Variants in RDH13 observed in about 807,000 individuals in gnomAD.
RDH13 encodes retinol dehydrogenase 13.
In RDH13, 35 loss-of-function variants were observed where a neutral mutation model predicts 28.3. That is an observed-to-expected ratio of 1.24 (90% CI 0.95 to 1.64). The LOEUF (loss-of-function observed/expected upper bound fraction) is 1.64. RDH13 is among the 40% of genes most tolerant of loss of function. The pLI is 0.00. For missense variants in RDH13, 514 were observed against 446.3 expected (o/e 1.15, Z -1.37); for synonymous variants, 229 against 198.5 (o/e 1.15, Z -1.29).
At chr19:55,064,042 G>A (rs1310040907), upstream of RDH13, 3 of 152,172 alleles carry the variant, frequency 2.0e-5, no homozygotes, top group African/African-American at 4.8e-5. Flanking sequence ...CTAGGAGTAA[G>A]TTTTCTTCCT....
At chr19:55,065,810 T>C (rs932277339), upstream of RDH13, among the ~76,000 whole-genome samples, 5 of 152,172 alleles carry the variant, frequency 3.3e-5, no homozygotes, top group Non-Finnish European at 7.4e-5. Context: ...CTCTGCCTCC[T>C]GGGTTCAAGC....
intron 1 of RDH13, 88 bp from the exon 2 acceptor site, chr19:55,059,363 G>A (rs2147063307): frequency 1.2e-6 from 1 of 810,746 alleles, no homozygotes; most frequent in East Asian, 2.7e-5. Flanking sequence ...AACCTTGTCT[G>A]AGCTCACTCA....
At chr19:55,056,912 G>T in intron 2 of RDH13, 104 bp from the exon 3 acceptor site, 1 of 989,660 alleles carries the variant, frequency 1.0e-6, no homozygotes, top group Non-Finnish European at 1.5e-6. Context: ...ATCCACCAAT[G>T]TTCACTGCGG....
chr19:55,047,653 C>T (rs1219207212), intron 5 of RDH13, among the ~76,000 whole-genome samples, 165 bp from the exon 6 acceptor site: 3 of 152,146 alleles, frequency 2.0e-5, no homozygotes, highest in Non-Finnish European at 2.9e-5. Flanking sequence ...TCTTATCTTG[C>T]GGAGCGGCTC....
At position 55,062,995 on chromosome 19, in the gene RDH13, G is replaced by A. The variant is rs868385102; in HGVS notation, c.38C>T (p.Thr13Met). The A allele has an allele frequency of 6.8e-7, 1 of 1,475,004 alleles. No homozygotes were observed. Among genetic ancestry groups the A allele is most frequent in the Non-Finnish European group, 9.0e-7 (1 of 1,115,130 alleles). The allele number at this position is 1,475,004 out of a possible 1,614,324, so 91.4% of individuals were successfully genotyped here. ...GAGCAGCACGGCGGCGCCTGCTACC[G>A]TGCCCAGCGCCGACAGCGGCAGCAG... The part of the protein sequence containing the change: ...RYLLPLSALG[T>M]VAGAAVLLKD... The change falls in exon 1 of 7, where the codon ACG becomes ATG. Residue 13 changes from threonine to methionine, a missense_variant. Thr to Met is a moderately conservative substitution (Grantham distance 81). Coordinates refer to ENST00000415061, the MANE Select transcript of RDH13 (RefSeq NM_001145971.2).
At chr19:55,061,028 C>T (rs1203666775) in intron 1 of RDH13, among the ~76,000 whole-genome samples, 2 of 152,122 alleles carry the variant, frequency 1.3e-5, no homozygotes, top group African/African-American at 4.8e-5. Flanking sequence ...GGGAAGAATC[C>T]ACTTCCAGCT....
At chr19:55,046,974 C>T (rs375403530) in intron 6 of RDH13, 11 of 264,858 alleles carry the variant, frequency 4.2e-5, no homozygotes, top group African/African-American at 1.6e-4. Context: ...AGGAAGGTCT[C>T]GTATAACCCC....
At chr19:55,066,646 T>C (rs894405508), upstream of RDH13, among the ~76,000 whole-genome samples, 2 of 125,948 alleles carry the variant, frequency 1.6e-5, no homozygotes, top group African/African-American at 5.4e-5. Flanking sequence ...TCTCTCTCCC[T>C]CTTTCTCTTT....
At chr19:55,048,173 T>G in intron 5 of RDH13, 156 bp downstream of exon 5, 1 of 1,535,474 alleles carries the variant, frequency 6.5e-7, no homozygotes, top group African/African-American at 1.4e-5. Flanking sequence ...GATGTCTGCT[T>G]CAGGCACCAG....
chr19:55,063,272 T>C (rs1157644514), upstream of RDH13: 2 of 393,128 alleles, frequency 5.1e-6, no homozygotes, highest in Admixed American at 4.5e-5. Flanking sequence ...CTGGGATTGG[T>C]GGTTTCAGGA....
intron 2 of RDH13, among the ~76,000 whole-genome samples, chr19:55,058,293 CAGG>C (rs1210476615): frequency 2.0e-5 from 3 of 151,306 alleles, no homozygotes; most frequent in Non-Finnish European, 4.4e-5. Flanking sequence ...GTGGCTGAGG[CAGG>C]AGAATTGCTT....
intron 3 of RDH13, 48 bp downstream of exon 3, chr19:55,056,605 G>C: frequency 6.3e-7 from 1 of 1,594,438 alleles, no homozygotes; most frequent in Non-Finnish European, 8.6e-7. Context: ...CCTGGCCCTG[G>C]GAGCCGCCTA....
At chr19:55,048,182 AGAAG>A (rs2075300081) in intron 5 of RDH13, 143 bp downstream of exon 5, 1 of 1,536,328 alleles carries the variant, frequency 6.5e-7, no homozygotes, top group South Asian at 1.2e-5. Context: ...TTCAGGCACC[AGAAG>A]CGGGCAGCGT....
At position 55,044,786 on chromosome 19, in the gene RDH13, G is replaced by A. The variant is rs1189; in HGVS notation, c.*288C>T. Reference sequence around the variant, plus strand: ...CTCCTGACGTGGCCTGCAAGTGCACGGAGCCCCTTCCTCCTCGGCCATTCC... The same window carrying A: ...CTCCTGACGTGGCCTGCAAGTGCACAGAGCCCCTTCCTCCTCGGCCATTCC... On this transcript the variant is annotated 3_prime_UTR_variant, in exon 7 of 7. Coordinates refer to ENST00000415061, the MANE Select transcript of RDH13 (RefSeq NM_001145971.2). 0.084 allele frequency: 36,559 copies of A among 436,214 alleles called. 1,844 individuals carry two copies. The highest frequency in any genetic ancestry group is 0.1 in the Non-Finnish European group (25,063 of 247,908). 27.0% of individuals were successfully genotyped at this position (436,214 alleles called of 1,614,324 possible).
intron 3 of RDH13, among the ~76,000 whole-genome samples, chr19:55,054,734 A>ATTT (rs1407859367): frequency 1.3e-5 from 1 of 75,624 alleles, no homozygotes; most frequent in East Asian, 9.3e-4. Flanking sequence ...ATGCCCGGCT[A>ATTT]ATTTTTTTTT....
chr19:55,056,090 G>A (rs1242420806), intron 3 of RDH13, among the ~76,000 whole-genome samples: 1 of 151,594 alleles, frequency 6.6e-6, no homozygotes, highest in Non-Finnish European at 1.5e-5. Context: ...GGAGACGGAG[G>A]TTGCAGTGAG....
At chr19:55,052,593 A>C (rs550225694) in intron 3 of RDH13, among the ~76,000 whole-genome samples, 113 of 150,530 alleles carry the variant, frequency 7.5e-4, no homozygotes, top group Non-Finnish European at 1.5e-3. Context: ...CCCAGGCTCA[A>C]GCAATCCTCC....
downstream of RDH13, chr19:55,041,150 G>GCT (rs2075018311): frequency 6.6e-6 from 1 of 152,146 alleles, no homozygotes; most frequent in Admixed American, 6.6e-5. Flanking sequence ...TAAAACATTT[G>GCT]TTTTTTGTAG....
intron 1 of RDH13, among the ~76,000 whole-genome samples, chr19:55,060,086 G>A (rs1000787703): frequency 2.0e-5 from 3 of 151,930 alleles, no homozygotes; most frequent in African/African-American, 7.3e-5. Flanking sequence ...CTCGTGGGAT[G>A]AGAAAGACCT....
Sources: allele counts gnomAD v4.1 joint callset (sites outside exome capture counted in the v4.1 genomes callset), GRCh38; gene constraint gnomAD v4.1.1; transcripts MANE v1.5; gene names NCBI Gene and HGNC (gene_info 2026-07-23, HGNC 2026-07-21).